The following GALNT9 variants were observed in gnomAD, a reference collection of about 807,000 sequenced individuals.
GALNT9 encodes polypeptide N-acetylgalactosaminyltransferase 9, also known as GalNAc transferase 9.
In GALNT9, 47 loss-of-function variants were observed where a neutral mutation model predicts 63.1. The ratio of observed to expected loss-of-function variants is 0.75; its 90% CI spans 0.59 to 0.95. The LOEUF (loss-of-function observed/expected upper bound fraction) is 0.95. Among genes scored for constraint, GALNT9 ranks in the 40% least tolerant of loss-of-function variants. The probability of loss-of-function intolerance (pLI) is 0.00; values close to 1 mark genes in which losing one functional copy is unlikely to be tolerated. For synonymous variants in GALNT9, 396 were observed against 365.7 expected (o/e 1.08, Z -0.94); for missense variants, 829 against 874.8 (o/e 0.95, Z 0.66).
At chr12:132,197,749 T>TG in intron 10 of GALNT9, 43 bp downstream of exon 10, 149 of 1,391,138 alleles carry the variant, frequency 1.1e-4, no homozygotes, top group Middle Eastern at 2.5e-4. Context: ...CCAGCAGCCC[T>TG]GCCCCGCCCC....
chr12:132,218,544 A>G (rs1877310813), intron 6 of GALNT9, among the ~76,000 whole-genome samples: 1 of 152,236 alleles, frequency 6.6e-6, no homozygotes, highest in South Asian at 2.1e-4. Flanking sequence ...CTGCCCCTGG[A>G]GCCCAGGTCG....
intron 6 of GALNT9, chr12:132,240,436 T>C (rs1878209034): frequency 2.8e-6 from 1 of 361,796 alleles, no homozygotes. Context: ...AGCGCAGACA[T>C]GGCCTCAGAA....
intron 6 of GALNT9, among the ~76,000 whole-genome samples, chr12:132,217,240 G>C (rs1205549338): frequency 7.2e-6 from 1 of 138,558 alleles, no homozygotes; most frequent in Non-Finnish European, 1.6e-5. Flanking sequence ...ATCCATCCAT[G>C]CATCCCACCC....
intron 5 of GALNT9, among the ~76,000 whole-genome samples, chr12:132,255,887 C>T (rs782462318): frequency 4.6e-5 from 7 of 152,098 alleles, no homozygotes; most frequent in Non-Finnish European, 8.8e-5. Context: ...CCATGGAAGC[C>T]GTCCTGGAAC....
rs1289362146 is a variant in GALNT9, at chr12:132,203,536, T to C, written c.1232A>G (p.His411Arg). ...AEVWMDDFKS[H>R]VYMAWNIPMS... ...GGGGATGTTCCAGGCCATGTACACG[T>C]GGGACTTGAAGTCATCCATCCACAC... Residue 411 changes from histidine to arginine, a missense_variant, in exon 7 of 11, where the codon CAC becomes CGC. Physicochemically the swap from His to Arg is conservative, Grantham distance 29. Transcript: ENST00000328957. 6.2e-7 allele frequency: 1 copy of C among 1,613,904 alleles called. No homozygotes were observed. The highest frequency in any genetic ancestry group is 8.5e-7 in the Non-Finnish European group (1 of 1,179,820).
At chr12:132,208,958 G>A (rs891148261) in intron 6 of GALNT9, among the ~76,000 whole-genome samples, 2 of 152,170 alleles carry the variant, frequency 1.3e-5, no homozygotes, top group Admixed American at 1.3e-4. Flanking sequence ...CCCCTGTCTT[G>A]GGGTAATTAT....
chr12:132,255,922 C>T (rs1879092283), intron 5 of GALNT9, among the ~76,000 whole-genome samples: 1 of 151,880 alleles, frequency 6.6e-6, no homozygotes, highest in Admixed American at 6.6e-5. Context: ...CATCTCGTTG[C>T]GGCTGTCTGC....
At chr12:132,259,412 G>A (rs1161466500) in intron 4 of GALNT9, among the ~76,000 whole-genome samples, 3 of 152,212 alleles carry the variant, frequency 2.0e-5, no homozygotes, top group South Asian at 2.1e-4. Flanking sequence ...GGCAGACAGT[G>A]GAACACAATT....
Position 132,224,823 on chromosome 12 carries a change from C to A in GALNT9, c.1078-21133G>T, listed in dbSNP as rs1247312117. ...ACACCCCACACACATACACACCCTC[C>A]CACATACACACCACACAACCCACAC... On this transcript the variant is annotated intron_variant, in intron 6 of 10. Coordinates refer to ENST00000328957, the MANE Select transcript of GALNT9 (RefSeq NM_001122636.2). 2.3e-4 allele frequency among the ~76,000 whole-genome samples: 34 copies of A among 145,786 alleles called. No homozygotes were observed. In the East Asian group the frequency reaches 7.2e-3, roughly 31 times the overall value.
At chr12:132,281,183 T>C (rs1880327576) in intron 2 of GALNT9, among the ~76,000 whole-genome samples, 1 of 152,226 alleles carries the variant, frequency 6.6e-6, no homozygotes, top group South Asian at 2.1e-4. Flanking sequence ...CCTGGGAAGA[T>C]GGATAAGACC....
intron 1 of GALNT9, among the ~76,000 whole-genome samples, chr12:132,308,495 C>T (rs1881694557): frequency 6.6e-6 from 1 of 152,172 alleles, no homozygotes; most frequent in Non-Finnish European, 1.5e-5. Context: ...GTGCCTGCAC[C>T]TACCGGGTTC....
chr12:132,263,242 C>T (rs1555239935), intron 2 of GALNT9, among the ~76,000 whole-genome samples: 1 of 152,208 alleles, frequency 6.6e-6, no homozygotes, highest in Non-Finnish European at 1.5e-5. Context: ...GGGCTGTGCG[C>T]CACCATCATA....
At chr12:132,257,547 GTCCCCACGCCCT>G in intron 5 of GALNT9, 130 bp downstream of exon 5, 2 of 34,568 alleles carry the variant, frequency 5.8e-5, no homozygotes, top group East Asian at 9.3e-4. Context: ...CCACGCCCTC[GTCCCCACGCCCT>G]CGTCCCCACG....
intron 6 of GALNT9, among the ~76,000 whole-genome samples, chr12:132,214,291 C>T (rs990958348): frequency 2.0e-5 from 3 of 152,214 alleles, no homozygotes; most frequent in Non-Finnish European, 4.4e-5. Context: ...AGCAGGAGCC[C>T]AGGGATGAAG....
intron 2 of GALNT9, among the ~76,000 whole-genome samples, chr12:132,270,834 G>T (rs1025793451): frequency 1.0e-3 from 154 of 152,254 alleles, no homozygotes; most frequent in African/African-American, 3.5e-3. Flanking sequence ...CGGGAGAAAA[G>T]ATAAGAGGCA....
rs1199750711 is a variant in GALNT9 at position 132,236,387 on chromosome 12, G to T, written c.1077+11523C>A. On this transcript the variant is annotated intron_variant, in intron 6 of 10. Transcript: ENST00000328957. This position sits in a 1 kb window ranked among gnomAD's most constrained non-coding sequence, Gnocchi z 5.6. ...TCCAGGCCTGGTGTCTCTGGAGGGG[G>T]CCTCGGAACCGGAGGGGAAGACCCC... 6.6e-6 allele frequency among the ~76,000 whole-genome samples: 1 copy of T among 152,042 alleles called. No individual in the cohort carries two copies. Among genetic ancestry groups the T allele is most frequent in the Non-Finnish European group, 1.5e-5 (1 of 67,992 alleles).
chr12:132,224,610 TACACCCCATACACCCCATATA>T, intron 6 of GALNT9, among the ~76,000 whole-genome samples: 1 of 33,210 alleles, frequency 3.0e-5, no homozygotes, highest in East Asian at 1.1e-3. Flanking sequence ...CCCACAAACA[TACACCCCATACACCCCATATA>T]CACACCCCAG....
At chr12:132,255,443 A>G (rs57349935) in intron 5 of GALNT9, among the ~76,000 whole-genome samples, 9,690 of 152,260 alleles carry the variant, frequency 0.064, 991 homozygotes, top group African/African-American at 0.22. Context: ...AAGATTAACC[A>G]GAAGTCTGGC....
intron 1 of GALNT9, among the ~76,000 whole-genome samples, chr12:132,306,144 G>C (rs1457480415): frequency 1.3e-5 from 2 of 152,238 alleles, no homozygotes; most frequent in South Asian, 2.1e-4. Flanking sequence ...GAGCCCCCGT[G>C]GGGGGCCTGC....
Sources: gnomAD v4.1 joint callset for allele counts (sites outside exome capture counted in the v4.1 genomes callset) on GRCh38, gnomAD v4.1.1 for gene constraint, Gnocchi (gnomAD v3.1) non-coding constraint, MANE v1.5 for transcripts, NCBI Gene and HGNC (gene_info 2026-07-23, HGNC 2026-07-21) for gene names.